MGAT4C: variants seen among roughly 807,000 people sequenced by gnomAD.
MGAT4C encodes the protein alpha-1,3-mannosyl-glycoprotein 4-beta-N-acetylglucosaminyltransferase C.
Under a neutral mutation model 40.1 loss-of-function variants are expected in MGAT4C, and 19 were observed. The ratio of observed to expected loss-of-function variants is 0.47; its 90% CI spans 0.33 to 0.70. The LOEUF (loss-of-function observed/expected upper bound fraction) is 0.70. MGAT4C is among the 30% of genes least tolerant of loss of function. The pLI, the probability that MGAT4C is intolerant of heterozygous loss-of-function variation, is 0.02. For missense variants in MGAT4C, 491 were observed against 563.2 expected, an observed-to-expected ratio of 0.87 and a Z score of 1.30; for synonymous variants, 181 against 187.1, an observed-to-expected ratio of 0.97 and a Z score of 0.27.
chr12:86,438,444 A>G (rs1957173364), intron 2 of MGAT4C, among the ~76,000 whole-genome samples: 1 of 151,994 alleles, frequency 6.6e-6, no homozygotes, highest in South Asian at 2.1e-4. Context: ...AAGCTGAAGC[A>G]AGTTATCCAG....
intron 1 of MGAT4C, among the ~76,000 whole-genome samples, chr12:86,776,622 T>C (rs1221044068): frequency 7.9e-5 from 12 of 152,088 alleles, no homozygotes; most frequent in Admixed American, 5.9e-4. Flanking sequence ...ATTACTGTAC[T>C]AAATAGAATT....
chr12:86,415,673 A>T (rs1287629675), intron 3 of MGAT4C, among the ~76,000 whole-genome samples: 1 of 152,040 alleles, frequency 6.6e-6, no homozygotes, highest in African/African-American at 2.4e-5. Context: ...TGTGGAGAGG[A>T]TCAATGAAGA....
chr12:86,729,917 C>T (rs549726908), intron 1 of MGAT4C, among the ~76,000 whole-genome samples: 1 of 152,052 alleles, frequency 6.6e-6, no homozygotes, highest in Non-Finnish European at 1.5e-5. Context: ...ATGCTTTATA[C>T]TGTTCAAGAC....
At chr12:86,348,717 T>G (rs955305580) in intron 3 of MGAT4C, among the ~76,000 whole-genome samples, 1 of 152,198 alleles carries the variant, frequency 6.6e-6, no homozygotes, top group Non-Finnish European at 1.5e-5. Flanking sequence ...GTTGTTTAAT[T>G]TTTTTAAAAT....
intron 1 of MGAT4C, among the ~76,000 whole-genome samples, chr12:86,228,946 G>A (rs1382748308): frequency 6.6e-6 from 1 of 151,856 alleles, no homozygotes; most frequent in East Asian, 1.9e-4. Context: ...AAGAAAATGT[G>A]AACTTGTGGC....
At chr12:86,360,330 G>C (rs918317600) in intron 3 of MGAT4C, among the ~76,000 whole-genome samples, 2 of 152,088 alleles carry the variant, frequency 1.3e-5, no homozygotes, top group African/African-American at 2.4e-5. Flanking sequence ...TTCATGGGGC[G>C]TACCTCAAAA....
At chr12:86,547,209 A>G (rs1459540426) in intron 2 of MGAT4C, among the ~76,000 whole-genome samples, 1 of 151,898 alleles carries the variant, frequency 6.6e-6, no homozygotes, top group African/African-American at 2.4e-5. Context: ...TTGCTTATGC[A>G]AAGTTTTAGT....
chr12:86,523,783 T>C (rs1390608886), intron 2 of MGAT4C, among the ~76,000 whole-genome samples: 1 of 152,218 alleles, frequency 6.6e-6, no homozygotes, highest in African/African-American at 2.4e-5. Flanking sequence ...GTTGGATGCA[T>C]ATATATTTAG....
chr12:86,164,951 T>C (rs755002234), intron 1 of MGAT4C, among the ~76,000 whole-genome samples: 1 of 152,200 alleles, frequency 6.6e-6, no homozygotes, highest in Non-Finnish European at 1.5e-5. Context: ...AAAAAATTCA[T>C]TTAGGCTAAA....
At chr12:86,635,064 T>C (rs1963177158) in intron 2 of MGAT4C, among the ~76,000 whole-genome samples, 2 of 152,130 alleles carry the variant, frequency 1.3e-5, no homozygotes, top group Admixed American at 1.3e-4. Context: ...CTAGTATCTT[T>C]GTGCCTCCTA....
chr12:86,742,259 T>A (rs1951080134), intron 1 of MGAT4C, among the ~76,000 whole-genome samples: 1 of 151,506 alleles, frequency 6.6e-6, no homozygotes, highest in Non-Finnish European at 1.5e-5. Context: ...ACTCCCTATT[T>A]GGAATATTTT....
intron 3 of MGAT4C, among the ~76,000 whole-genome samples, chr12:86,396,321 T>C (rs1041049902): frequency 6.6e-6 from 1 of 152,110 alleles, no homozygotes; most frequent in African/African-American, 2.4e-5. Flanking sequence ...CATTGCCCAA[T>C]GTGAGAACCT....
chr12:86,168,071 CAA>C (rs145020851), intron 1 of MGAT4C, among the ~76,000 whole-genome samples: 161 of 152,166 alleles, frequency 1.1e-3, no homozygotes, highest in Non-Finnish European at 1.9e-3. Context: ...TTTAAATATT[CAA>C]AAGTCAGTGT....
chr12:86,195,619 G>T (rs1319289600), intron 1 of MGAT4C, among the ~76,000 whole-genome samples: 1 of 152,054 alleles, frequency 6.6e-6, no homozygotes, highest in African/African-American at 2.4e-5. Flanking sequence ...ACAGATATAG[G>T]TATTTATCTT....
intron 3 of MGAT4C, among the ~76,000 whole-genome samples, chr12:86,343,407 T>C (rs1954943889): frequency 6.6e-6 from 1 of 152,222 alleles, no homozygotes; most frequent in African/African-American, 2.4e-5. Flanking sequence ...TCCTCCCTTA[T>C]GGAATGTGTC....
intron 2 of MGAT4C, among the ~76,000 whole-genome samples, chr12:86,040,741 A>AC (rs1891736988): frequency 1.3e-5 from 2 of 151,200 alleles, no homozygotes; most frequent in African/African-American, 2.5e-5. Flanking sequence ...AAACAAACAA[A>AC]AAAAAAACTC....
intron 1 of MGAT4C, among the ~76,000 whole-genome samples, chr12:86,829,926 TG>T (rs916121323): frequency 4.7e-5 from 7 of 150,332 alleles, no homozygotes; most frequent in Non-Finnish European, 1.0e-4. Flanking sequence ...TACATATCGA[TG>T]TTTTTTTTAC....
chr12:85,988,849 C>A (rs1301335771), intron 3 of MGAT4C, among the ~76,000 whole-genome samples: 1 of 151,980 alleles, frequency 6.6e-6, no homozygotes, highest in Non-Finnish European at 1.5e-5. Flanking sequence ...ACATCAATAT[C>A]TTTATCTCTT....
intron 3 of MGAT4C, among the ~76,000 whole-genome samples, chr12:86,415,064 C>A (rs982898308): frequency 6.6e-6 from 1 of 151,986 alleles, no homozygotes; most frequent in Admixed American, 6.6e-5. Context: ...CCTATTCTAG[C>A]AGCAGCAGAT....
Sources: allele counts gnomAD v4.1 joint callset (sites outside exome capture counted in the v4.1 genomes callset), GRCh38; gene constraint gnomAD v4.1.1; transcripts MANE v1.5; gene names NCBI Gene and HGNC (gene_info 2026-07-23, HGNC 2026-07-21).